Variants in WWOX observed in about 807,000 individuals in gnomAD.
WWOX encodes WW domain containing oxidoreductase.
Under a neutral mutation model 46.2 loss-of-function variants are expected in WWOX, and 69 were observed. The observed-to-expected ratio is 1.49, with a 90% confidence interval of 1.23 to 1.82. The LOEUF is 1.82. Ranked by LOEUF, WWOX falls within the 40% of genes most tolerant of loss-of-function variation. The probability of loss-of-function intolerance (pLI) is 0.00; values close to 1 mark genes in which losing one functional copy is unlikely to be tolerated. For missense variants in WWOX, 919 were observed against 542.6 expected (o/e 1.69, Z -6.89); for synonymous variants, 359 against 202.6 (o/e 1.77, Z -6.56).
rs568291719 is a variant in WWOX, at chr16:78,506,013, A to C, written c.1056+73261A>C. On this transcript the variant is annotated intron_variant, in intron 8 of 8. Coordinates refer to ENST00000566780, the MANE Select transcript of WWOX (RefSeq NM_016373.4). ...GCAAGAAGACACACCATTCCCCGTCAGCCCCTTCCCGACCCTTGCACCCCT... is the reference window on the plus strand; with the variant it reads ...GCAAGAAGACACACCATTCCCCGTCCGCCCCTTCCCGACCCTTGCACCCCT... Among the ~76,000 whole-genome samples the C allele has an allele frequency of 5.3e-5, 8 of 152,338 alleles. 1 individual carries two copies. The highest frequency in any genetic ancestry group is 3.3e-4 in the Admixed American group (5 of 15,308).
chr16:78,549,250 C>T (rs978675401), intron 8 of WWOX, among the ~76,000 whole-genome samples: 1 of 152,154 alleles, frequency 6.6e-6, no homozygotes, highest in Non-Finnish European at 1.5e-5. Context: ...CTGCCAGCCA[C>T]GAATAGATTC....
chr16:78,977,543 G>C (rs2046597109), intron 8 of WWOX, among the ~76,000 whole-genome samples: 1 of 152,110 alleles, frequency 6.6e-6, no homozygotes, highest in South Asian at 2.1e-4. Flanking sequence ...GTCCTTGTCT[G>C]GGGGAGTCGC....
intron 8 of WWOX, among the ~76,000 whole-genome samples, chr16:78,488,416 C>T (rs1291054224): frequency 2.0e-5 from 3 of 152,046 alleles, no homozygotes; most frequent in African/African-American, 7.3e-5. Context: ...CACAGTGGTA[C>T]ACCTGAGCCC....
rs1225230831 is a variant in WWOX at position 78,432,478 on chromosome 16, T to G, written c.792-10T>G. On this transcript the variant is annotated splice_polypyrimidine_tract_variant and intron_variant, in intron 7 of 8. Transcript: ENST00000566780. ...CTTGGTTGCTTCATGTCATATTTCC[T>G]ATTTTTAAGATTTACAGATATTAAC... 6.2e-7 allele frequency: 1 copy of G among 1,613,884 alleles called. No homozygotes were observed.
chr16:79,001,056 C>G (rs1039037736), intron 8 of WWOX, among the ~76,000 whole-genome samples: 1 of 152,170 alleles, frequency 6.6e-6, no homozygotes, highest in East Asian at 1.9e-4. Context: ...TCAATAAATA[C>G]ATTAATTAAT....
intron 5 of WWOX, among the ~76,000 whole-genome samples, chr16:78,176,633 A>C (rs574410897): frequency 1.3e-5 from 2 of 152,332 alleles, no homozygotes; most frequent in African/African-American, 4.8e-5. Flanking sequence ...TGGCACTTTG[A>C]CAGCCCTTCA....
chr16:78,814,229 C>G (rs972342928), intron 8 of WWOX, among the ~76,000 whole-genome samples: 3 of 152,152 alleles, frequency 2.0e-5, no homozygotes, highest in African/African-American at 7.2e-5. Flanking sequence ...AAATGTGCCT[C>G]CATCTTACAT....
chr16:79,200,469 G>A (rs557024559), intron 8 of WWOX, among the ~76,000 whole-genome samples: 12 of 152,210 alleles, frequency 7.9e-5, no homozygotes, highest in Non-Finnish European at 1.5e-4. Context: ...GCACTGCCCC[G>A]TTGCTTGGCC....
At chr16:78,176,279 C>A (rs777438489) in intron 5 of WWOX, among the ~76,000 whole-genome samples, 2 of 152,192 alleles carry the variant, frequency 1.3e-5, no homozygotes, top group Non-Finnish European at 2.9e-5. Context: ...GGCAGTGAGA[C>A]TGGCCCCACT....
intron 8 of WWOX, among the ~76,000 whole-genome samples, chr16:79,012,971 C>T (rs867702881): frequency 6.6e-6 from 1 of 152,102 alleles, no homozygotes; most frequent in Non-Finnish European, 1.5e-5. Flanking sequence ...GCGGGTGGAT[C>T]GCCTGAGGTC....
Position 78,839,739 on chromosome 16 carries a change from C to G in WWOX, c.1057-371869C>G, listed in dbSNP as rs538083572. Reference sequence around the variant, plus strand: ...CCCTGGTGATGTTCCTACCAAGTCACAGGCTTGGTTGGTGATGCTAAATTG... The same window carrying G: ...CCCTGGTGATGTTCCTACCAAGTCAGAGGCTTGGTTGGTGATGCTAAATTG... On this transcript the variant is annotated intron_variant, in intron 8 of 8. Transcript: ENST00000566780. Among the ~76,000 whole-genome samples, 75 of 152,228 alleles carry G rather than the reference C, an allele frequency of 4.9e-4. 1 individual carries two copies. Among genetic ancestry groups the G allele is most frequent in the Non-Finnish European group, 9.7e-4 (66 of 68,006 alleles).
intron 8 of WWOX, among the ~76,000 whole-genome samples, chr16:78,841,645 C>G (rs1597704972): frequency 2.0e-5 from 3 of 151,998 alleles, no homozygotes; most frequent in East Asian, 1.9e-4. Flanking sequence ...AATTTTTTGT[C>G]TTATGTTTCT....
intron 8 of WWOX, chr16:79,077,569 T>C (rs961628564): frequency 5.9e-5 from 9 of 151,768 alleles, no homozygotes; most frequent in Non-Finnish European, 1.3e-4. Context: ...ACCGACAGCA[T>C]ACAAATTGTC....
intron 8 of WWOX, among the ~76,000 whole-genome samples, chr16:78,831,901 G>C (rs999226539): frequency 2.2e-4 from 34 of 152,248 alleles, no homozygotes; most frequent in African/African-American, 8.2e-4. Flanking sequence ...TGATCTCGTC[G>C]TAATTTTCTC....
chr16:78,808,190 T>A lies in WWOX; in HGVS notation c.1056+375438T>A, dbSNP rs576885834. ...TTCCACCTCAAGATCATGTCCTCTT[T>A]TAACCCCTCTGAATATGCTCCTCCT... On this transcript the variant is annotated intron_variant, in intron 8 of 8. Transcript: ENST00000566780. Among the ~76,000 whole-genome samples, 3 of 152,244 alleles carry A rather than the reference T, an allele frequency of 2.0e-5. No homozygotes were observed. The South Asian group carries it at 6.2e-4, about 32-fold the overall frequency.
intron 5 of WWOX, among the ~76,000 whole-genome samples, chr16:78,218,795 G>A (rs948364024): frequency 3.2e-4 from 48 of 152,246 alleles, no homozygotes; most frequent in African/African-American, 9.6e-4. Flanking sequence ...GCGCATGTAA[G>A]TTTACGTGCT....
intron 5 of WWOX, among the ~76,000 whole-genome samples, chr16:78,378,440 C>T (rs1419064004): frequency 1.3e-5 from 2 of 152,074 alleles, no homozygotes; most frequent in African/African-American, 4.8e-5. Flanking sequence ...AACTGTGTCC[C>T]CATGCATTTT....
intron 8 of WWOX, among the ~76,000 whole-genome samples, chr16:78,817,922 C>G (rs1231610670): frequency 6.6e-6 from 1 of 152,110 alleles, no homozygotes; most frequent in African/African-American, 2.4e-5. Context: ...AGGAAGGAGA[C>G]TCTGAGTGCA....
intron 8 of WWOX, among the ~76,000 whole-genome samples, chr16:78,490,584 G>A (rs1302277980): frequency 6.6e-6 from 1 of 152,170 alleles, no homozygotes; most frequent in Admixed American, 6.5e-5. Context: ...AGAAGACAGG[G>A]CATTTTGATG....
Sources: gnomAD v4.1 joint callset for allele counts (sites outside exome capture counted in the v4.1 genomes callset) on GRCh38, gnomAD v4.1.1 for gene constraint, MANE v1.5 for transcripts, NCBI Gene and HGNC (gene_info 2026-07-23, HGNC 2026-07-21) for gene names.